PLD1: variants seen among roughly 807,000 people sequenced by gnomAD.
PLD1 encodes the protein phospholipase D1.
A neutral mutation model predicts 137.1 loss-of-function variants in PLD1; 112 were observed. The ratio of observed to expected loss-of-function variants is 0.82; its 90% CI spans 0.70 to 0.96. PLD1 has a LOEUF of 0.96. PLD1 is among the 40% of genes least tolerant of loss of function. The probability of loss-of-function intolerance (pLI) is 0.00; values close to 1 mark genes in which losing one functional copy is unlikely to be tolerated. For synonymous variants in PLD1, 431 were observed against 454.7 expected (o/e 0.95, Z 0.66); for missense variants, 1,321 against 1,342.0 (o/e 0.98, Z 0.24).
chr3:171,754,967 G>C (rs748500395), intron 1 of PLD1, among the ~76,000 whole-genome samples: 19 of 152,104 alleles, frequency 1.2e-4, no homozygotes, highest in East Asian at 3.9e-4. Context: ...CTCGCCACCA[G>C]CTCCTTCTAG....
At chr3:171,666,911 T>C (rs1299557128) in intron 19 of PLD1, among the ~76,000 whole-genome samples, 1 of 152,224 alleles carries the variant, frequency 6.6e-6, no homozygotes, top group Non-Finnish European at 1.5e-5. Context: ...ACCTAAAATA[T>C]AGCCTTCTCT....
chr3:171,607,297 G>T (rs766586037), intron 25 of PLD1, among the ~76,000 whole-genome samples: 1 of 152,148 alleles, frequency 6.6e-6, no homozygotes, highest in East Asian at 1.9e-4. Context: ...CAGTACAAAT[G>T]ATGACAGTAA....
chr3:171,635,965 C>CTTTTTTTTTTTTTTTTTTTGTTT (rs1735081350), intron 23 of PLD1, among the ~76,000 whole-genome samples: 1 of 49,252 alleles, frequency 2.0e-5, no homozygotes, highest in Non-Finnish European at 4.4e-5. Context: ...GGTTCAACTT[C>CTTTTTTTTTTTTTTTTTTTGTTT]TTTTTTTTTT....
At chr3:171,672,580 T>C (rs1712895413) in intron 19 of PLD1, among the ~76,000 whole-genome samples, 1 of 152,014 alleles carries the variant, frequency 6.6e-6, no homozygotes, top group South Asian at 2.1e-4. Context: ...CTCCACCTCC[T>C]GGGCTCAAGC....
At chr3:171,759,292 T>C (rs1685269866) in intron 1 of PLD1, among the ~76,000 whole-genome samples, 1 of 152,330 alleles carries the variant, frequency 6.6e-6, no homozygotes, top group Non-Finnish European at 1.5e-5. Context: ...TTTTGCTCAA[T>C]AACTCCACCT....
intron 1 of PLD1, among the ~76,000 whole-genome samples, chr3:171,808,240 A>T (rs973161298): frequency 4.8e-5 from 7 of 146,114 alleles, no homozygotes; most frequent in Non-Finnish European, 7.6e-5. Flanking sequence ...TCAAATTATT[A>T]AAAAAAAAAA....
At chr3:171,786,136 C>G (rs1421310706) in intron 1 of PLD1, among the ~76,000 whole-genome samples, 1 of 152,168 alleles carries the variant, frequency 6.6e-6, no homozygotes, top group Non-Finnish European at 1.5e-5. Context: ...AATCTTGTCA[C>G]CTTAATGTAG....
At chr3:171,705,189 A>G (rs1229859604) in intron 11 of PLD1, among the ~76,000 whole-genome samples, 2 of 152,230 alleles carry the variant, frequency 1.3e-5, no homozygotes, top group Non-Finnish European at 2.9e-5. Flanking sequence ...TATTTGTGTC[A>G]CTGAAGACTC....
chr3:171,627,765 G>T (rs61094046), intron 23 of PLD1, among the ~76,000 whole-genome samples: 5,183 of 152,224 alleles, frequency 0.034, 322 homozygotes, highest in African/African-American at 0.12. Context: ...TGACTACTGG[G>T]TACATAACGA....
chr3:171,753,750 T>C lies in PLD1; in HGVS notation c.-31-15668A>G, dbSNP rs181973756. On this transcript the variant is annotated intron_variant, in intron 1 of 26. Coordinates refer to ENST00000351298, the MANE Select transcript of PLD1 (RefSeq NM_002662.5). The stretch of plus-strand genomic sequence containing the variant: ...TCATCAGTCAACTCCCTCATCAACT[T>C]CTCCTGATCCTGTGACTTTCCCCTA... Among the ~76,000 whole-genome samples, 6 of 152,116 alleles carry C rather than the reference T, an allele frequency of 3.9e-5. No individual in the cohort carries two copies. In the East Asian group the frequency reaches 1.2e-3, roughly 29 times the overall value.
intron 17 of PLD1, among the ~76,000 whole-genome samples, 166 bp downstream of exon 17, chr3:171,677,400 T>C (rs1713491288): frequency 6.6e-6 from 1 of 152,190 alleles, no homozygotes. Context: ...AAAAAAGTCC[T>C]TAAGCACATG....
chr3:171,786,458 A>G (rs1723015693), intron 1 of PLD1, among the ~76,000 whole-genome samples: 1 of 152,250 alleles, frequency 6.6e-6, no homozygotes, highest in Non-Finnish European at 1.5e-5. Context: ...CTGTCTGCCC[A>G]GAGTCAGAGA....
intron 1 of PLD1, among the ~76,000 whole-genome samples, chr3:171,797,419 T>A (rs142334301): frequency 4.6e-5 from 7 of 152,226 alleles, no homozygotes; most frequent in African/African-American, 1.7e-4. Context: ...ATCAGCATTA[T>A]CTCGGAGCTT....
chr3:171,777,465 G>GC (rs1313043267), intron 1 of PLD1, among the ~76,000 whole-genome samples: 1 of 152,134 alleles, frequency 6.6e-6, no homozygotes, highest in Non-Finnish European at 1.5e-5. Flanking sequence ...TTGCCCAGAG[G>GC]CATTTCCTTC....
intron 23 of PLD1, among the ~76,000 whole-genome samples, chr3:171,629,403 G>A (rs1464151993): frequency 3.3e-5 from 5 of 152,158 alleles, no homozygotes; most frequent in East Asian, 1.9e-4. Flanking sequence ...CTCATGGGTA[G>A]GAAGAATCAA....
intron 21 of PLD1, 36 bp downstream of exon 21, chr3:171,659,177 C>A: frequency 7.7e-7 from 1 of 1,301,014 alleles, no homozygotes; most frequent in South Asian, 1.2e-5. Context: ...AATACAAGAA[C>A]ATCTGCAGCG....
chr3:171,746,602 T>C (rs1720203886), intron 1 of PLD1, among the ~76,000 whole-genome samples: 1 of 152,196 alleles, frequency 6.6e-6, no homozygotes, highest in African/African-American at 2.4e-5. Flanking sequence ...AATACACCAG[T>C]CAGTGCTCTG....
chr3:171,632,837 C>A (rs925862966), intron 23 of PLD1, among the ~76,000 whole-genome samples: 28 of 152,198 alleles, frequency 1.8e-4, no homozygotes, highest in African/African-American at 6.3e-4. Flanking sequence ...TAAAGCACAT[C>A]TATGTGCCAT....
chr3:171,790,799 T>C (rs1723183812), intron 1 of PLD1, among the ~76,000 whole-genome samples: 1 of 152,230 alleles, frequency 6.6e-6, no homozygotes, highest in African/African-American at 2.4e-5. Context: ...AGAGCCGTCA[T>C]GCCAGCTCCC....
Sources: gnomAD v4.1 joint callset for allele counts (sites outside exome capture counted in the v4.1 genomes callset) on GRCh38, gnomAD v4.1.1 for gene constraint, MANE v1.5 for transcripts, NCBI Gene and HGNC (gene_info 2026-07-23, HGNC 2026-07-21) for gene names.